Variants in MAP3K5 observed in about 807,000 individuals in gnomAD.
MAP3K5 encodes the protein mitogen-activated protein kinase kinase kinase 5, also known as ASK-1.
Under a neutral mutation model 158.7 loss-of-function variants are expected in MAP3K5, and 56 were observed. The observed-to-expected ratio is 0.35, with a 90% confidence interval of 0.28 to 0.44. The LOEUF is 0.44. Ranked by LOEUF, MAP3K5 falls within the 20% of genes least tolerant of loss-of-function variation. The pLI is 1.00. For missense variants in MAP3K5, 1,294 were observed against 1,674.8 expected (o/e 0.77, Z 3.97); for synonymous variants, 579 against 601.7 (o/e 0.96, Z 0.55).
Position 136,705,275 on chromosome 6 carries a change from C to T in MAP3K5, c.589-142G>A, listed in dbSNP as rs577512843. On this transcript the variant is annotated intron_variant, in intron 2 of 29. Transcript: ENST00000359015. ...TTAGGAACTGTAGATTCAGTTCCTG[C>T]ATCTGAAAAGTTTTCTATCTATCTA... is the stretch of plus-strand genomic sequence containing the variant. 576 of 448,700 alleles carry T rather than the reference C, an allele frequency of 1.3e-3. 1 individual carries two copies. The highest frequency in any genetic ancestry group is 4.6e-3 in the Middle Eastern group (9 of 1,960). 27.8% of individuals were successfully genotyped at this position (448,700 alleles called of 1,614,324 possible).
chr6:136,669,217 CT>C, intron 8 of MAP3K5, 65 bp downstream of exon 8: 1 of 1,032,662 alleles, frequency 9.7e-7, no homozygotes, highest in Non-Finnish European at 1.5e-6. Flanking sequence ...ATTCATGATT[CT>C]TTTTCTTTGC....
chr6:136,659,387 C>T lies in MAP3K5; in HGVS notation c.1367-9G>A. 6.2e-7 allele frequency: 1 copy of T among 1,613,220 alleles called. No homozygotes were observed. The highest frequency in any genetic ancestry group is 1.1e-5 in the South Asian group (1 of 91,048). Reference sequence around the variant, plus strand: ...ACTACTTAGCTTCACCCCTAGAATACAAACAGGAAGTAGAATGTTACAAAT... The same window carrying T: ...ACTACTTAGCTTCACCCCTAGAATATAAACAGGAAGTAGAATGTTACAAAT... On this transcript the variant is annotated splice_polypyrimidine_tract_variant and intron_variant, in intron 8 of 29. Transcript: ENST00000359015.
chr6:136,627,496 C>T (rs181164811), intron 14 of MAP3K5, among the ~76,000 whole-genome samples: 28 of 152,284 alleles, frequency 1.8e-4, no homozygotes, highest in Admixed American at 6.5e-4. Flanking sequence ...TGAATGTTTG[C>T]GTACCCCCCT....
chr6:136,627,128 T>C (rs1238107910), intron 14 of MAP3K5, among the ~76,000 whole-genome samples: 1 of 152,220 alleles, frequency 6.6e-6, no homozygotes, highest in Non-Finnish European at 1.5e-5. Flanking sequence ...GAATTTTGTT[T>C]TTTTCCTTCT....
chr6:136,735,812 G>C (rs906244385), intron 1 of MAP3K5, among the ~76,000 whole-genome samples: 9 of 152,132 alleles, frequency 5.9e-5, no homozygotes, highest in Non-Finnish European at 1.0e-4. Flanking sequence ...CCGGGTGACA[G>C]AGCACGAACC....
chr6:136,724,748 G>A (rs962249646), intron 1 of MAP3K5, among the ~76,000 whole-genome samples: 3 of 152,122 alleles, frequency 2.0e-5, no homozygotes, highest in African/African-American at 4.8e-5. Context: ...TAAGTGACTT[G>A]TTCTAAGACA....
intron 7 of MAP3K5, among the ~76,000 whole-genome samples, chr6:136,691,235 A>G (rs1583424828): frequency 6.6e-6 from 1 of 152,116 alleles, no homozygotes; most frequent in East Asian, 1.9e-4. Flanking sequence ...ACAGATTTGG[A>G]TAATATTTGA....
chr6:136,579,623 T>C (rs1177596972), intron 25 of MAP3K5, among the ~76,000 whole-genome samples: 1 of 152,246 alleles, frequency 6.6e-6, no homozygotes, highest in Non-Finnish European at 1.5e-5. Context: ...TAATGTGAAC[T>C]ATGGACTCTT....
chr6:136,786,556 CTT>C (rs1421341108), intron 1 of MAP3K5, among the ~76,000 whole-genome samples: 1 of 152,048 alleles, frequency 6.6e-6, no homozygotes, highest in Non-Finnish European at 1.5e-5. Context: ...GTGACAGTCT[CTT>C]GTATACGTAA....
intron 1 of MAP3K5, among the ~76,000 whole-genome samples, chr6:136,773,100 T>C (rs1784274249): frequency 6.6e-6 from 1 of 152,150 alleles, no homozygotes; most frequent in Admixed American, 6.5e-5. Context: ...TTACAAAGGG[T>C]CATGCTCCAG....
At chr6:136,750,904 G>A (rs1274691429) in intron 1 of MAP3K5, among the ~76,000 whole-genome samples, 1 of 152,152 alleles carries the variant, frequency 6.6e-6, no homozygotes, top group Non-Finnish European at 1.5e-5. Flanking sequence ...AAAGTTCTGA[G>A]TTTCTTCAGA....
intron 21 of MAP3K5, among the ~76,000 whole-genome samples, chr6:136,595,480 C>T (rs915726295): frequency 6.6e-6 from 1 of 152,116 alleles, no homozygotes; most frequent in African/African-American, 2.4e-5. Context: ...TTCATTCATC[C>T]AACATACAGT....
At chr6:136,640,691 C>G (rs2114294735) in intron 12 of MAP3K5, among the ~76,000 whole-genome samples, 1 of 152,314 alleles carries the variant, frequency 6.6e-6, no homozygotes, top group Non-Finnish European at 1.5e-5. Context: ...ATGTCTTAGT[C>G]ATTTTTGTAT....
In MAP3K5 at chr6:136,669,147, T is replaced by C. The variant is rs1017446449; in HGVS notation, c.1366+136A>G. ...GTATGAAACACCAAACAAGGAGATATAATAAGTTTCTTTTTTCTCTTTGGG... is the reference window on the plus strand; with the variant it reads ...GTATGAAACACCAAACAAGGAGATACAATAAGTTTCTTTTTTCTCTTTGGG... On this transcript the variant is annotated intron_variant, in intron 8 of 29. Transcript: ENST00000359015. 34 of 684,844 alleles carry C rather than the reference T, an allele frequency of 5.0e-5. No homozygotes were observed. The East Asian group carries it at 5.0e-4, about 10-fold the overall frequency. 42.4% of individuals were successfully genotyped at this position (684,844 alleles called of 1,614,324 possible).
intron 20 of MAP3K5, 66 bp from the exon 21 acceptor site, chr6:136,601,108 C>T (rs1355710526): frequency 1.3e-6 from 2 of 1,530,904 alleles, no homozygotes; most frequent in African/African-American, 2.7e-5. Flanking sequence ...ACTGAGAAAT[C>T]AACAAAAAAT....
At chr6:136,582,897 CAG>C (rs1347104181) in intron 24 of MAP3K5, among the ~76,000 whole-genome samples, 2 of 152,176 alleles carry the variant, frequency 1.3e-5, no homozygotes, top group African/African-American at 4.8e-5. Context: ...AAGAATAACA[CAG>C]AGGGTTCTGA....
At position 136,567,824 on chromosome 6, in the gene MAP3K5, C is replaced by T; in HGVS notation, c.3568G>A (p.Glu1190Lys). The change falls in exon 26 of 30, where the codon GAA (glutamate) becomes AAA (lysine). Residue 1190 changes from glutamate (E) to lysine (K), a missense_variant. Physicochemically the swap from Glu to Lys is moderately conservative, Grantham distance 56. Around this residue, in one of 5 missense-constraint regions of MAP3K5, gnomAD observed 199 missense variants for 220.3 expected, o/e 0.90. Coordinates refer to ENST00000359015, the MANE Select transcript of MAP3K5 (RefSeq NM_005923.4). ...LASESDTADQ[E>K]DLDVEDDHEE... ...TGGTCATCTTCTACATCCAAGTCTT[C>T]TTGATCAGCAGTATCACTCTCAGAT... is the stretch of plus-strand genomic sequence containing the variant. 6.2e-7 allele frequency: 1 copy of T among 1,614,074 alleles called. No individual in the cohort carries two copies. Among genetic ancestry groups the T allele is most frequent in the Non-Finnish European group, 8.5e-7 (1 of 1,179,968 alleles).
chr6:136,653,478 GA>G (rs773465769), intron 10 of MAP3K5, among the ~76,000 whole-genome samples: 6 of 152,298 alleles, frequency 3.9e-5, no homozygotes, highest in Non-Finnish European at 8.8e-5. Flanking sequence ...GTGAGCCACG[GA>G]AGATGCTATG....
chr6:136,653,885 A>G (rs1269280374), intron 10 of MAP3K5, among the ~76,000 whole-genome samples: 1 of 152,194 alleles, frequency 6.6e-6, no homozygotes, highest in Non-Finnish European at 1.5e-5. Flanking sequence ...TCTGTGTAAC[A>G]ACAAACTATA....
Sources: gnomAD v4.1 joint callset for allele counts (sites outside exome capture counted in the v4.1 genomes callset) on GRCh38, gnomAD v4.1.1 for gene constraint, gnomAD v4.1.1 regional missense constraint, MANE v1.5 for transcripts, NCBI Gene and HGNC (gene_info 2026-07-23, HGNC 2026-07-21) for gene names.